The following ANKFN1 variants were observed in gnomAD, a reference collection of about 807,000 sequenced individuals.
The protein encoded by ANKFN1 is ankyrin repeat and fibronectin type III domain containing 1.
A neutral mutation model predicts 108.7 loss-of-function variants in ANKFN1; 74 were observed. The observed-to-expected ratio is 0.68, with a 90% CI of 0.56 to 0.83. The LOEUF is 0.83. Among genes scored for constraint, ANKFN1 ranks in the 40% least tolerant of loss-of-function variants. The pLI, the probability that ANKFN1 is intolerant of heterozygous loss-of-function variation, is 0.00. For missense variants in ANKFN1, 1,505 were observed against 1,382.3 expected, an observed-to-expected ratio of 1.09 and a Z score of -1.41; for synonymous variants, 547 against 516.2, an observed-to-expected ratio of 1.06 and a Z score of -0.81.
At chr17:56,047,295 G>A (rs1268351674) in intron 4 of ANKFN1, among the ~76,000 whole-genome samples, 2 of 151,880 alleles carry the variant, frequency 1.3e-5, no homozygotes, top group Non-Finnish European at 2.9e-5. Context: ...ATGTCATGCT[G>A]AATGTCTAGA....
chr17:56,056,394 AG>A (rs940398228), intron 4 of ANKFN1, among the ~76,000 whole-genome samples: 19 of 148,502 alleles, frequency 1.3e-4, no homozygotes, highest in Admixed American at 1.3e-3. Context: ...AAAAAAAGCC[AG>A]AGGGATTGCA....
intron 8 of ANKFN1, among the ~76,000 whole-genome samples, chr17:56,425,629 C>T (rs1201084467): frequency 6.6e-6 from 1 of 152,204 alleles, no homozygotes; most frequent in African/African-American, 2.4e-5. Context: ...CCCGACCACA[C>T]CATGACTCCG....
At chr17:56,222,381 G>A (rs1339496997) in intron 2 of ANKFN1, among the ~76,000 whole-genome samples, 1 of 152,168 alleles carries the variant, frequency 6.6e-6, no homozygotes, top group African/African-American at 2.4e-5. Flanking sequence ...TCACTGTAAT[G>A]GGTCAGAAAG....
chr17:56,054,389 C>T (rs1904828944), intron 4 of ANKFN1, among the ~76,000 whole-genome samples: 1 of 152,156 alleles, frequency 6.6e-6, no homozygotes, highest in African/African-American at 2.4e-5. Flanking sequence ...TGTCCTGGGT[C>T]GTAGAGCTAG....
At chr17:56,179,487 G>T (rs1024497563) in intron 1 of ANKFN1, among the ~76,000 whole-genome samples, 31 of 151,982 alleles carry the variant, frequency 2.0e-4, no homozygotes, top group African/African-American at 7.5e-4. Context: ...AAGTGCTAGA[G>T]GGGGGATAAA....
chr17:56,114,479 G>C lies in ANKFN1; in HGVS notation c.288+68154G>C, dbSNP rs919702639. On this transcript the variant is annotated intron_variant, in intron 4 of 12. Coordinates refer to the ANKFN1 transcript ENST00000635860. The stretch of plus-strand genomic sequence containing the variant: ...GTAATGGACTAGAAGTGGTTCATTT[G>C]TCATCATCCAGATTGGCAAATATTT... Among the ~76,000 whole-genome samples, 7 of 152,180 alleles carry C rather than the reference G, an allele frequency of 4.6e-5. 1 individual carries two copies. The highest frequency in any genetic ancestry group is 1.4e-4 in the African/African-American group (6 of 41,444).
At chr17:56,507,044 C>T (rs1300563441) in intron 20 of ANKFN1, among the ~76,000 whole-genome samples, 1 of 152,190 alleles carries the variant, frequency 6.6e-6, no homozygotes, top group Non-Finnish European at 1.5e-5. Flanking sequence ...TACATGCACA[C>T]AGCTGAACAC....
At chr17:56,427,065 A>G (rs1413333444) in intron 8 of ANKFN1, among the ~76,000 whole-genome samples, 1 of 152,212 alleles carries the variant, frequency 6.6e-6, no homozygotes, top group East Asian at 1.9e-4. Context: ...TGAGACACAG[A>G]GGGAAGAAGA....
chr17:56,108,485 A>G (rs1905794619), intron 4 of ANKFN1, among the ~76,000 whole-genome samples: 1 of 152,198 alleles, frequency 6.6e-6, no homozygotes, highest in Admixed American at 6.5e-5. Context: ...ACTATATGAT[A>G]ACCATTGCAA....
chr17:56,409,410 A>G (rs2048022191), intron 8 of ANKFN1, among the ~76,000 whole-genome samples: 1 of 152,214 alleles, frequency 6.6e-6, no homozygotes, highest in African/African-American at 2.4e-5. Flanking sequence ...AACATTGTAC[A>G]TAAAACAAGC....
At chr17:56,103,543 G>A (rs957408310) in intron 4 of ANKFN1, among the ~76,000 whole-genome samples, 15 of 152,272 alleles carry the variant, frequency 9.9e-5, no homozygotes, top group African/African-American at 2.9e-4. Flanking sequence ...GTGCTCCACC[G>A]AGTCCCATTG....
chr17:56,395,300 G>A (rs571135835), intron 8 of ANKFN1, among the ~76,000 whole-genome samples: 1 of 152,270 alleles, frequency 6.6e-6, no homozygotes, highest in Admixed American at 6.5e-5. Flanking sequence ...GAAAAGGAGT[G>A]GGGTAAAACG....
intron 8 of ANKFN1, among the ~76,000 whole-genome samples, chr17:56,397,544 G>A (rs2047623568): frequency 6.6e-6 from 1 of 151,594 alleles, no homozygotes; most frequent in Non-Finnish European, 1.5e-5. Flanking sequence ...AACCCGTCAA[G>A]AAAAATGAGA....
intron 4 of ANKFN1, among the ~76,000 whole-genome samples, chr17:56,068,653 C>T (rs1905087981): frequency 6.6e-6 from 1 of 152,176 alleles, no homozygotes; most frequent in South Asian, 2.1e-4. Flanking sequence ...AGAAACACTC[C>T]CTTCTCAAGA....
chr17:56,477,433 T>C, intron 15 of ANKFN1, 55 bp from the exon 16 acceptor site: 1 of 1,466,664 alleles, frequency 6.8e-7, no homozygotes, highest in Non-Finnish European at 9.0e-7. Context: ...GGTTTTGAGA[T>C]TGCCCTTCGA....
At chr17:56,310,313 G>A (rs937289849) in intron 3 of ANKFN1, among the ~76,000 whole-genome samples, 3 of 152,216 alleles carry the variant, frequency 2.0e-5, no homozygotes, top group Non-Finnish European at 4.4e-5. Context: ...AGAGACTGCT[G>A]TGCTTTTGCA....
intron 4 of ANKFN1, among the ~76,000 whole-genome samples, chr17:56,084,899 A>G (rs1905289224): frequency 6.6e-6 from 1 of 150,860 alleles, no homozygotes. Flanking sequence ...CTTACTTGTA[A>G]TGCAACAGCA....
At chr17:56,467,791 G>GAAAGAAAGAAAGAAGA (rs11414270) in intron 15 of ANKFN1, among the ~76,000 whole-genome samples, 16 of 54,998 alleles carry the variant, frequency 2.9e-4, no homozygotes, top group South Asian at 1.5e-3. Context: ...AAGAAAGAAA[G>GAAAGAAAGAAAGAAGA]AAGAAAGAAA....
intron 8 of ANKFN1, among the ~76,000 whole-genome samples, chr17:56,424,852 A>G (rs958302770): frequency 3.9e-5 from 6 of 152,168 alleles, no homozygotes; most frequent in African/African-American, 1.4e-4. Flanking sequence ...TAAGGATGAA[A>G]GCATCCCCAA....
Sources: allele counts gnomAD v4.1 joint callset (sites outside exome capture counted in the v4.1 genomes callset), GRCh38; gene constraint gnomAD v4.1.1; transcripts MANE v1.5; gene names NCBI Gene and HGNC (gene_info 2026-07-23, HGNC 2026-07-21).